The following ARK2N variants were observed in gnomAD, a reference collection of about 807,000 sequenced individuals.
ARK2N encodes arkadia (RNF111) N-terminal like PKA signaling regulator 2N, also known as protein ARK2N.
At chr18:46,181,453 T>C in the ARK2N span, among the ~76,000 whole-genome samples, 4 of 148,404 alleles carry the variant, frequency 2.7e-5, no homozygotes, top group Admixed American at 6.7e-5. Context: ...TGGTGGCTTA[T>C]GCCTGTAATC....
At chr18:46,250,660 C>T in the ARK2N span, among the ~76,000 whole-genome samples, 3 of 152,054 alleles carry the variant, frequency 2.0e-5, no homozygotes, top group Admixed American at 1.3e-4. Context: ...AAAGGAAATT[C>T]TTTAAAATGC....
chr18:46,179,883 C>T, the ARK2N span, among the ~76,000 whole-genome samples: 1 of 152,128 alleles, frequency 6.6e-6, no homozygotes, highest in Non-Finnish European at 1.5e-5. Flanking sequence ...CCTTGGCCTC[C>T]CAAAGTGCTG....
chr18:46,210,867 C>T, the ARK2N span, among the ~76,000 whole-genome samples: 669 of 150,768 alleles, frequency 4.4e-3, 1 homozygote, highest in Non-Finnish European at 7.6e-3. Flanking sequence ...GCCAGGATGG[C>T]GCCCCTGCAT....
chr18:46,227,877 C>T, the ARK2N span, among the ~76,000 whole-genome samples: 5 of 152,080 alleles, frequency 3.3e-5, no homozygotes, highest in Admixed American at 6.6e-5. Context: ...GGATTATAGG[C>T]GTGAGCCACT....
At chr18:46,244,691 T>C in the ARK2N span, among the ~76,000 whole-genome samples, 1 of 138,404 alleles carries the variant, frequency 7.2e-6, no homozygotes, top group African/African-American at 2.7e-5. Flanking sequence ...AACCTCTGCC[T>C]CCCGGGTTCA....
At chr18:46,224,339 A>G in the ARK2N span, among the ~76,000 whole-genome samples, 2 of 152,192 alleles carry the variant, frequency 1.3e-5, no homozygotes, top group Admixed American at 6.5e-5. Context: ...GGTATTCTGT[A>G]TCATCTCCTT....
At chr18:46,207,020 C>A in the ARK2N span, among the ~76,000 whole-genome samples, 2,935 of 152,270 alleles carry the variant, frequency 0.019, 74 homozygotes, top group African/African-American at 0.06. Context: ...AAGCAATCCT[C>A]CCACTTTGAT....
the ARK2N span, among the ~76,000 whole-genome samples, chr18:46,259,029 A>T: frequency 8.5e-5 from 13 of 152,224 alleles, 1 homozygote; most frequent in East Asian, 3.9e-4. Flanking sequence ...TTAAAAAAAA[A>T]TGTGTTAAAA....
At chr18:46,209,121 G>A in the ARK2N span, among the ~76,000 whole-genome samples, 1 of 152,118 alleles carries the variant, frequency 6.6e-6, no homozygotes, top group African/African-American at 2.4e-5. Flanking sequence ...AGAAAGGTGG[G>A]CAGGGGTTTT....
At chr18:46,244,601 ATTTT>A in the ARK2N span, among the ~76,000 whole-genome samples, 189 of 93,860 alleles carry the variant, frequency 2.0e-3, no homozygotes, top group Non-Finnish European at 3.2e-3. Flanking sequence ...AAGAGTTTAG[ATTTT>A]TTTTTTTTTT....
At chr18:46,253,958 T>C in the ARK2N span, 2 of 1,077,446 alleles carry the variant, frequency 1.9e-6, no homozygotes, top group Non-Finnish European at 1.3e-6. Flanking sequence ...GGTTTTGTTT[T>C]GTTTAAGAAA....
At chr18:46,193,345 A>G in the ARK2N span, among the ~76,000 whole-genome samples, 1 of 151,648 alleles carries the variant, frequency 6.6e-6, no homozygotes, top group Non-Finnish European at 1.5e-5. Flanking sequence ...GCTGGAGTGC[A>G]ATGGCATGAT....
chr18:46,192,369 C>T, the ARK2N span, among the ~76,000 whole-genome samples: 187 of 151,870 alleles, frequency 1.2e-3, 1 homozygote, highest in African/African-American at 4.1e-3. Flanking sequence ...GTCAGGAGTT[C>T]GAGACCAGCC....
At chr18:46,186,337 A>AGT in the ARK2N span, among the ~76,000 whole-genome samples, 1 of 151,580 alleles carries the variant, frequency 6.6e-6, no homozygotes, top group East Asian at 2.0e-4. Context: ...TTGGGACTAC[A>AGT]GGTGCACGCC....
At chr18:46,251,524 T>C in the ARK2N span, among the ~76,000 whole-genome samples, 1 of 152,166 alleles carries the variant, frequency 6.6e-6, no homozygotes, top group Non-Finnish European at 1.5e-5. Flanking sequence ...TAGGAGCCAT[T>C]CTAAGCATTA....
the ARK2N span, among the ~76,000 whole-genome samples, chr18:46,210,107 G>T: frequency 6.6e-6 from 1 of 152,182 alleles, no homozygotes; most frequent in Non-Finnish European, 1.5e-5. Context: ...TAGAAATATT[G>T]TTCTGCCTGC....
the ARK2N span, among the ~76,000 whole-genome samples, chr18:46,256,419 A>T: frequency 1.1e-3 from 16 of 15,040 alleles, no homozygotes; most frequent in African/African-American, 1.5e-3. Flanking sequence ...TTCTTTTTTT[A>T]AAAAAAAATA....
the ARK2N span, among the ~76,000 whole-genome samples, chr18:46,204,728 A>T: frequency 2.0e-5 from 3 of 152,144 alleles, no homozygotes; most frequent in Non-Finnish European, 4.4e-5. Flanking sequence ...GGAAAATCTT[A>T]CTTAGAAACG....
chr18:46,210,510 A>G, the ARK2N span, among the ~76,000 whole-genome samples: 3 of 152,214 alleles, frequency 2.0e-5, no homozygotes, highest in Non-Finnish European at 4.4e-5. Context: ...ATCTAAATAC[A>G]GATGTCAACT....
Sources: allele counts gnomAD v4.1 joint callset (sites outside exome capture counted in the v4.1 genomes callset), GRCh38; gene constraint gnomAD v4.1.1; transcripts MANE v1.5; gene names NCBI Gene and HGNC (gene_info 2026-07-23, HGNC 2026-07-21).